ADAMTS17: variants seen among roughly 807,000 people sequenced by gnomAD.
The protein encoded by ADAMTS17 is ADAM metallopeptidase with thrombospondin type 1 motif 17, also known as A disintegrin and metalloproteinase with thrombospondin motifs 17.
A neutral mutation model predicts 141.5 loss-of-function variants in ADAMTS17; 113 were observed. The ratio of observed to expected loss-of-function variants is 0.80; its 90% CI spans 0.69 to 0.93. ADAMTS17 has a LOEUF of 0.93. Ranked by LOEUF, ADAMTS17 falls within the 40% of genes least tolerant of loss-of-function variation. The probability of loss-of-function intolerance (pLI) is 0.00; values close to 1 mark genes in which losing one functional copy is unlikely to be tolerated. For missense variants in ADAMTS17, 1,659 were observed against 1,517.9 expected (o/e 1.09, Z -1.54); for synonymous variants, 768 against 630.6 (o/e 1.22, Z -3.27).
chr15:100,135,124 A>T (rs945521231), intron 10 of ADAMTS17, among the ~76,000 whole-genome samples: 1 of 152,198 alleles, frequency 6.6e-6, no homozygotes, highest in Non-Finnish European at 1.5e-5. Context: ...GGTGGTGTCA[A>T]CTGTTCGTTA....
chr15:99,989,272 G>T (rs936738976), intron 20 of ADAMTS17, among the ~76,000 whole-genome samples: 11 of 152,210 alleles, frequency 7.2e-5, no homozygotes, highest in African/African-American at 2.7e-4. Context: ...AAGGAAAGCA[G>T]TGCTAGGTGC....
intron 10 of ADAMTS17, among the ~76,000 whole-genome samples, chr15:100,145,435 G>A (rs1596551464): frequency 6.6e-6 from 1 of 152,146 alleles, no homozygotes; most frequent in Admixed American, 6.5e-5. Context: ...TATTAAAGAA[G>A]GCCAACATTG....
At chr15:100,083,801 G>A (rs1297144042) in intron 15 of ADAMTS17, among the ~76,000 whole-genome samples, 3 of 151,036 alleles carry the variant, frequency 2.0e-5, no homozygotes, top group African/African-American at 4.9e-5. Flanking sequence ...ATGCTGGCAT[G>A]CCAGAGCAGC....
chr15:100,127,191 C>A (rs1251133264), intron 12 of ADAMTS17, among the ~76,000 whole-genome samples: 2 of 152,256 alleles, frequency 1.3e-5, no homozygotes, highest in East Asian at 3.9e-4. Context: ...CACTCGGAAC[C>A]TGCAAATGAG....
At chr15:100,074,523 AATTAT>A (rs757043519) in intron 15 of ADAMTS17, among the ~76,000 whole-genome samples, 3 of 152,024 alleles carry the variant, frequency 2.0e-5, no homozygotes, top group African/African-American at 4.8e-5. Context: ...TTAACAGTAT[AATTAT>A]ATTAATATAT....
In ADAMTS17 at chr15:99,971,535, G is replaced by A. The variant is rs1360738460; in HGVS notation, c.*2867C>T. 2 of 152,130 alleles carry A rather than the reference G, an allele frequency of 1.3e-5. No individual in the cohort carries two copies. The highest frequency in any genetic ancestry group is 2.9e-5 in the Non-Finnish European group (2 of 68,020). 9.4% of individuals were successfully genotyped at this position (152,130 alleles called of 1,614,324 possible). A position where few individuals can be genotyped will look rare whatever the true frequency, so the allele number is the denominator to read the frequency against. ...TCATGTATAATGGCGTCCAATGTTT[G>A]TCTTCCGTTTTTTTTCCTTTCAAAA... On this transcript the variant is annotated 3_prime_UTR_variant, in exon 22 of 22. Coordinates refer to ENST00000268070, the MANE Select transcript of ADAMTS17 (RefSeq NM_139057.4).
At chr15:100,005,828 C>T (rs2061026710) in intron 18 of ADAMTS17, among the ~76,000 whole-genome samples, 5 of 152,086 alleles carry the variant, frequency 3.3e-5, no homozygotes, top group Admixed American at 3.3e-4. Context: ...AGTCCAAAAC[C>T]ATGGTGTCAG....
At chr15:100,206,493 G>A (rs947592648) in intron 7 of ADAMTS17, among the ~76,000 whole-genome samples, 44 of 152,076 alleles carry the variant, frequency 2.9e-4, no homozygotes, top group Admixed American at 2.6e-4. Flanking sequence ...CGCCTATTTC[G>A]GTCAATAATT....
At chr15:99,998,544 C>T (rs571598311) in intron 18 of ADAMTS17, among the ~76,000 whole-genome samples, 1 of 152,264 alleles carries the variant, frequency 6.6e-6, no homozygotes, top group Non-Finnish European at 1.5e-5. Context: ...GTGGAGGTTG[C>T]AGTGAGCCAA....
At chr15:100,194,729 CT>C in intron 8 of ADAMTS17, among the ~76,000 whole-genome samples, 1 of 152,294 alleles carries the variant, frequency 6.6e-6, no homozygotes, top group South Asian at 2.1e-4. Flanking sequence ...ATGTTGGATG[CT>C]GACATCCAGG....
chr15:100,278,338 A>C (rs1022838551), intron 4 of ADAMTS17, among the ~76,000 whole-genome samples: 7 of 152,036 alleles, frequency 4.6e-5, no homozygotes, highest in African/African-American at 1.7e-4. Context: ...AAAAAAAAAA[A>C]AAAAACCCAG....
At chr15:100,242,162 C>T (rs2042846804) in intron 7 of ADAMTS17, among the ~76,000 whole-genome samples, 1 of 152,192 alleles carries the variant, frequency 6.6e-6, no homozygotes, top group Non-Finnish European at 1.5e-5. Flanking sequence ...AGTTCTGACT[C>T]CGGAGGGTCA....
In ADAMTS17 at chr15:100,066,457, C is replaced by T. The variant is rs181562942; in HGVS notation, c.2138-12403G>A. ...TAAACATTTATCATTTTTTTCTCAC[C>T]ATTTCTTCCCCACATCAGACCATTC... is the stretch of plus-strand genomic sequence containing the variant. On this transcript the variant is annotated intron_variant, in intron 15 of 21. Transcript: ENST00000268070. 5.9e-5 allele frequency among the ~76,000 whole-genome samples: 9 copies of T among 152,026 alleles called. No individual in the cohort carries two copies. In the East Asian group the frequency reaches 1.5e-3, roughly 26 times the overall value.
intron 7 of ADAMTS17, among the ~76,000 whole-genome samples, chr15:100,223,178 G>A (rs529050548): frequency 1.3e-5 from 2 of 152,184 alleles, no homozygotes; most frequent in Non-Finnish European, 2.9e-5. Flanking sequence ...AGGACATGGT[G>A]GGGACTAAGG....
At chr15:100,084,197 C>A (rs1302183819) in intron 15 of ADAMTS17, among the ~76,000 whole-genome samples, 1 of 152,210 alleles carries the variant, frequency 6.6e-6, no homozygotes, top group African/African-American at 2.4e-5. Flanking sequence ...GAGATTATAT[C>A]CCGCGCATGG....
chr15:100,242,955 ACT>A (rs1448357652), intron 7 of ADAMTS17, among the ~76,000 whole-genome samples: 12 of 151,934 alleles, frequency 7.9e-5, no homozygotes, highest in African/African-American at 2.9e-4. Context: ...CAACTAAAAA[ACT>A]CTGCCCATTA....
intron 18 of ADAMTS17, among the ~76,000 whole-genome samples, chr15:100,009,070 G>T (rs2141392784): frequency 6.6e-6 from 1 of 152,196 alleles, no homozygotes; most frequent in African/African-American, 2.4e-5. Flanking sequence ...GAACTCCTGG[G>T]ATCAAGCGAT....
chr15:100,202,945 A>T (rs948430623), intron 7 of ADAMTS17, among the ~76,000 whole-genome samples: 1 of 152,116 alleles, frequency 6.6e-6, no homozygotes, highest in Admixed American at 6.5e-5. Context: ...GCCTTCTATG[A>T]TTTAAAATTC....
intron 3 of ADAMTS17, among the ~76,000 whole-genome samples, chr15:100,324,175 G>T (rs2045826694): frequency 6.6e-6 from 1 of 152,016 alleles, no homozygotes; most frequent in Admixed American, 6.6e-5. Flanking sequence ...CGTGCTGGTG[G>T]GCACCTGTGG....
Sources: gnomAD v4.1 joint callset for allele counts (sites outside exome capture counted in the v4.1 genomes callset) on GRCh38, gnomAD v4.1.1 for gene constraint, MANE v1.5 for transcripts, NCBI Gene and HGNC (gene_info 2026-07-23, HGNC 2026-07-21) for gene names.